TMEM163: variants seen among roughly 807,000 people sequenced by gnomAD.
TMEM163 encodes the protein transmembrane protein 163.
Under a neutral mutation model 29.3 loss-of-function variants are expected in TMEM163, and 17 were observed. That is an observed-to-expected ratio of 0.58 (90% CI 0.40 to 0.87). TMEM163 has a LOEUF of 0.87. Among genes scored for constraint, TMEM163 ranks in the 40% least tolerant of loss-of-function variants. The probability of loss-of-function intolerance (pLI) is 0.00; values close to 1 mark genes in which losing one functional copy is unlikely to be tolerated. For missense variants in TMEM163, 303 were observed against 381.5 expected (o/e 0.79, Z 1.71); for synonymous variants, 157 against 160.6 (o/e 0.98, Z 0.17).
intron 6 of TMEM163, among the ~76,000 whole-genome samples, chr2:134,465,505 C>T (rs982257601): frequency 6.6e-6 from 1 of 152,180 alleles, no homozygotes; most frequent in Non-Finnish European, 1.5e-5. Context: ...GTGATATCAG[C>T]GAGTCTGGGG....
intron 2 of TMEM163, among the ~76,000 whole-genome samples, chr2:134,652,118 C>T (rs1341562597): frequency 7.2e-6 from 1 of 138,270 alleles, no homozygotes; most frequent in Admixed American, 7.1e-5. Context: ...GGCATTGAAT[C>T]TGTAAATTAC....
intron 4 of TMEM163, among the ~76,000 whole-genome samples, chr2:134,546,896 G>A (rs539964282): frequency 6.6e-6 from 1 of 152,184 alleles, no homozygotes; most frequent in South Asian, 2.1e-4. Flanking sequence ...AAAAATGGAG[G>A]ATCCTTGAGG....
chr2:134,459,564 T>A (rs767429855), intron 6 of TMEM163, among the ~76,000 whole-genome samples: 81 of 106,064 alleles, frequency 7.6e-4, no homozygotes, highest in Admixed American at 4.6e-3. Flanking sequence ...GCCTCCCCCA[T>A]CTGCTACTGG....
At chr2:134,541,793 CACACACACAT>C (rs1278318521) in intron 4 of TMEM163, among the ~76,000 whole-genome samples, 20 of 151,762 alleles carry the variant, frequency 1.3e-4, no homozygotes, top group African/African-American at 4.4e-4. Flanking sequence ...CACACACACA[CACACACACAT>C]ACACACACAC....
At chr2:134,587,460 T>A (rs1574259993) in intron 2 of TMEM163, among the ~76,000 whole-genome samples, 1 of 152,020 alleles carries the variant, frequency 6.6e-6, no homozygotes, top group East Asian at 1.9e-4. Context: ...GAAGCTAGGC[T>A]GAGAACACCA....
At chr2:134,689,110 GTT>G (rs5834423) in intron 2 of TMEM163, among the ~76,000 whole-genome samples, 542 of 130,894 alleles carry the variant, frequency 4.1e-3, no homozygotes, top group African/African-American at 0.014. Context: ...TTTTTGTTTT[GTT>G]TTTTTTTTTT....
chr2:134,715,939 G>A (rs1171404160), intron 1 of TMEM163, among the ~76,000 whole-genome samples: 3 of 152,208 alleles, frequency 2.0e-5, no homozygotes, highest in Non-Finnish European at 4.4e-5. Flanking sequence ...TAGTACTAAT[G>A]AGAGACTGAT....
Position 134,713,185 on chromosome 2 carries a change from A to T in TMEM163, c.322+15T>A. On this transcript the variant is annotated intron_variant, in intron 2 of 7. Coordinates refer to ENST00000281924, the MANE Select transcript of TMEM163 (RefSeq NM_030923.5). ...ACAGCAGCACATATTGGCCGACGAG[A>T]CCCTTGATACTCACTAAAGGCAGCC... is the stretch of plus-strand genomic sequence containing the variant. 6.2e-7 allele frequency: 1 copy of T among 1,610,820 alleles called. No homozygotes were observed. The highest frequency in any genetic ancestry group is 8.5e-7 in the Non-Finnish European group (1 of 1,179,314).
At chr2:134,478,922 C>CA (rs1200069057) in intron 5 of TMEM163, among the ~76,000 whole-genome samples, 1 of 152,200 alleles carries the variant, frequency 6.6e-6, no homozygotes, top group Non-Finnish European at 1.5e-5. Flanking sequence ...CTGCCTTATG[C>CA]AGCCTTGGGA....
intron 4 of TMEM163, among the ~76,000 whole-genome samples, chr2:134,510,939 G>A (rs528554): frequency 0.62 from 94,490 of 151,952 alleles, 31,605 homozygotes; most frequent in East Asian, 0.96. Flanking sequence ...TGCTTCCAAT[G>A]TACACTGCAC....
intron 2 of TMEM163, among the ~76,000 whole-genome samples, chr2:134,691,040 CG>C (rs1246841898): frequency 1.3e-5 from 2 of 152,008 alleles, no homozygotes; most frequent in Non-Finnish European, 2.9e-5. Context: ...GTGTGGCTGG[CG>C]GGAATGGTAG....
intron 2 of TMEM163, among the ~76,000 whole-genome samples, chr2:134,599,800 T>C (rs1411454259): frequency 6.6e-6 from 1 of 151,718 alleles, no homozygotes; most frequent in Non-Finnish European, 1.5e-5. Context: ...CCCAGAGTGT[T>C]GAGATTACAG....
chr2:134,717,868 G>A (rs1360020536), intron 1 of TMEM163, among the ~76,000 whole-genome samples: 1 of 152,202 alleles, frequency 6.6e-6, no homozygotes, highest in Non-Finnish European at 1.5e-5. Context: ...CGGAAGGGAT[G>A]GAGAAGAGAG....
chr2:134,497,174 A>G (rs1403424140), intron 5 of TMEM163, among the ~76,000 whole-genome samples: 1 of 152,050 alleles, frequency 6.6e-6, no homozygotes, highest in African/African-American at 2.4e-5. Flanking sequence ...CTCTCCCCCA[A>G]CTGTGCTCCT....
intron 4 of TMEM163, among the ~76,000 whole-genome samples, chr2:134,508,780 C>T (rs1679882974): frequency 6.7e-6 from 1 of 150,024 alleles, no homozygotes; most frequent in Non-Finnish European, 1.5e-5. Flanking sequence ...CTCATCCTCT[C>T]TCTCCATCCA....
Position 134,703,246 on chromosome 2 carries a change from G to A in TMEM163, c.322+9954C>T, listed in dbSNP as rs189967508. On this transcript the variant is annotated intron_variant, in intron 2 of 7. Coordinates refer to ENST00000281924, the MANE Select transcript of TMEM163 (RefSeq NM_030923.5). ...AAGTGGGGAAGGAAGAGTCTGGGATGCAGCTGTGCACCAGGTGAAATGGGC... is the reference window on the plus strand; with the variant it reads ...AAGTGGGGAAGGAAGAGTCTGGGATACAGCTGTGCACCAGGTGAAATGGGC... 2.3e-4 allele frequency among the ~76,000 whole-genome samples: 35 copies of A among 152,262 alleles called. No homozygotes were observed. In the East Asian group the frequency reaches 6.2e-3, roughly 27 times the overall value.
intron 2 of TMEM163, among the ~76,000 whole-genome samples, chr2:134,552,450 T>A (rs1281847006): frequency 1.3e-5 from 2 of 152,086 alleles, no homozygotes; most frequent in Non-Finnish European, 2.9e-5. Flanking sequence ...ACTGTTCCCA[T>A]AATAAGGTGG....
At chr2:134,461,973 C>T (rs1558910409) in intron 6 of TMEM163, among the ~76,000 whole-genome samples, 1 of 152,286 alleles carries the variant, frequency 6.6e-6, no homozygotes, top group African/African-American at 2.4e-5. Context: ...AATTATAGAT[C>T]GCTCCCTAGT....
intron 4 of TMEM163, among the ~76,000 whole-genome samples, chr2:134,546,447 G>GTC (rs1439988096): frequency 6.6e-6 from 1 of 152,182 alleles, no homozygotes; most frequent in Non-Finnish European, 1.5e-5. Flanking sequence ...TTCAAGACCA[G>GTC]CCTGGCCAAC....
Sources: gnomAD v4.1 joint callset for allele counts (sites outside exome capture counted in the v4.1 genomes callset) on GRCh38, gnomAD v4.1.1 for gene constraint, MANE v1.5 for transcripts, NCBI Gene and HGNC (gene_info 2026-07-23, HGNC 2026-07-21) for gene names.